MYOM1: variants seen among roughly 807,000 people sequenced by gnomAD.
MYOM1 encodes the protein myomesin 1, also known as myomesin-1.
MYOM1 carries 164 observed loss-of-function variants against 205.3 expected under a neutral mutation model. The ratio of observed to expected loss-of-function variants is 0.80; its 90% CI spans 0.70 to 0.91. The LOEUF is 0.91. Among genes scored for constraint, MYOM1 ranks in the 40% least tolerant of loss-of-function variants. The pLI is 0.00. For missense variants in MYOM1, 2,011 were observed against 2,127.3 expected (o/e 0.95, Z 1.08); for synonymous variants, 772 against 789.4 (o/e 0.98, Z 0.37).
intron 10 of MYOM1, among the ~76,000 whole-genome samples, chr18:3,160,102 C>CCTT (rs148197003): frequency 0.51 from 74,962 of 146,384 alleles, 20,084 homozygotes; most frequent in African/African-American, 0.66. Flanking sequence ...TTCTCCTCCT[C>CCTT]CTTCTTCTTC....
intron 7 of MYOM1, 35 bp downstream of exon 7, chr18:3,174,085 A>G (rs747891244): frequency 2.8e-5 from 45 of 1,608,806 alleles, no homozygotes; most frequent in Non-Finnish European, 2.4e-5. Flanking sequence ...AAAAACACAC[A>G]CACACTTTGA....
At chr18:3,192,367 G>A (rs569427488) in intron 3 of MYOM1, among the ~76,000 whole-genome samples, 2 of 152,236 alleles carry the variant, frequency 1.3e-5, no homozygotes, top group Non-Finnish European at 2.9e-5. Flanking sequence ...AGATAGCAAA[G>A]ATATCAAATA....
intron 36 of MYOM1, among the ~76,000 whole-genome samples, chr18:3,073,237 G>A (rs1567890230): frequency 6.6e-6 from 1 of 152,152 alleles, no homozygotes; most frequent in Non-Finnish European, 1.5e-5. Context: ...AGGGGACGAG[G>A]CACAGGATGG....
chr18:3,216,419 G>C (rs559949583), intron 1 of MYOM1, among the ~76,000 whole-genome samples: 11 of 152,288 alleles, frequency 7.2e-5, no homozygotes, highest in Admixed American at 5.9e-4. Context: ...AATGTGCCAA[G>C]AACCAGAGAA....
At chr18:3,169,242 C>A (rs2144070187) in intron 8 of MYOM1, among the ~76,000 whole-genome samples, 1 of 152,180 alleles carries the variant, frequency 6.6e-6, no homozygotes, top group Non-Finnish European at 1.5e-5. Flanking sequence ...TTTAAAGGGT[C>A]AGGTTTAATG....
intron 19 of MYOM1, among the ~76,000 whole-genome samples, chr18:3,122,373 A>T (rs2079708249): frequency 6.6e-6 from 1 of 152,186 alleles, no homozygotes; most frequent in Non-Finnish European, 1.5e-5. Context: ...ACCCTAGTGT[A>T]TCTATGGTAA....
intron 1 of MYOM1, among the ~76,000 whole-genome samples, chr18:3,216,808 G>A (rs1312238791): frequency 6.6e-6 from 1 of 152,190 alleles, no homozygotes; most frequent in Non-Finnish European, 1.5e-5. Context: ...GGAGGGATGA[G>A]AGTGAAAGCC....
Position 3,189,262 on chromosome 18 carries a change from C to T in MYOM1, c.432-175G>A, listed in dbSNP as rs568980598. On this transcript the variant is annotated intron_variant, in intron 3 of 37. Transcript: ENST00000356443. This position sits in a 1 kb window ranked among gnomAD's most constrained non-coding sequence, Gnocchi z 4.8. The stretch of plus-strand genomic sequence containing the variant: ...ACACTTCATGTACAGAAGTATTCCT[C>T]ACCTTAACAAATAACAACAATAATA... Among the ~76,000 whole-genome samples the T allele has an allele frequency of 7.2e-5, 11 of 152,240 alleles. No homozygotes were observed. The highest frequency in any genetic ancestry group is 5.2e-4 in the Admixed American group (8 of 15,290).
At chr18:3,083,927 T>A in intron 32 of MYOM1, 33 bp from the exon 33 acceptor site, 1 of 1,575,930 alleles carries the variant, frequency 6.3e-7, no homozygotes, top group Non-Finnish European at 8.6e-7. Flanking sequence ...TTCATACATC[T>A]GCATGCCCCT....
At chr18:3,161,762 TC>T (rs763020345) in intron 10 of MYOM1, among the ~76,000 whole-genome samples, 25 of 152,246 alleles carry the variant, frequency 1.6e-4, no homozygotes, top group Non-Finnish European at 2.1e-4. Flanking sequence ...ATAAGCTAGT[TC>T]CACTTCTGCT....
intron 1 of MYOM1, 128 bp from the exon 2 acceptor site, chr18:3,215,379 G>T: frequency 1.3e-6 from 1 of 767,984 alleles, no homozygotes; most frequent in Non-Finnish European, 2.0e-6. Flanking sequence ...AAATCCCAAC[G>T]AGGATCTCTC....
chr18:3,083,095 G>A (rs1032957114), intron 33 of MYOM1, among the ~76,000 whole-genome samples: 1 of 152,260 alleles, frequency 6.6e-6, no homozygotes, highest in Non-Finnish European at 1.5e-5. Flanking sequence ...GGCTCCAGAT[G>A]CCTGGCACAG....
the MYOM1 span, among the ~76,000 whole-genome samples, chr18:3,238,476 T>TG: frequency 2.2e-4 from 33 of 147,874 alleles, no homozygotes; most frequent in African/African-American, 7.7e-4. Flanking sequence ...ACTAAATTGG[T>TG]GGGGGGGTGG....
intron 22 of MYOM1, among the ~76,000 whole-genome samples, chr18:3,105,209 A>G (rs1015318036): frequency 3.3e-5 from 5 of 152,220 alleles, no homozygotes; most frequent in Non-Finnish European, 7.3e-5. Context: ...AAAACTAAAA[A>G]GCAGGCACAA....
the MYOM1 span, among the ~76,000 whole-genome samples, chr18:3,233,437 C>T: frequency 6.6e-6 from 1 of 152,308 alleles, no homozygotes; most frequent in Admixed American, 6.5e-5. Context: ...GGAAGCATGT[C>T]CCCTTACCCG....
intron 19 of MYOM1, 33 bp downstream of exon 19, chr18:3,126,668 G>A: frequency 6.3e-7 from 1 of 1,585,894 alleles, no homozygotes; most frequent in Non-Finnish European, 8.6e-7. Context: ...TCATACATAG[G>A]ACACGCCACA....
intron 10 of MYOM1, among the ~76,000 whole-genome samples, chr18:3,161,618 G>A (rs926857429): frequency 1.3e-5 from 2 of 152,180 alleles, no homozygotes; most frequent in Admixed American, 6.5e-5. Context: ...TAACAACATA[G>A]AGGGGACCTA....
upstream of MYOM1, among the ~76,000 whole-genome samples, chr18:3,223,976 C>G (rs73377292): frequency 0.014 from 2,145 of 151,740 alleles, 47 homozygotes; most frequent in African/African-American, 0.05. Flanking sequence ...CAAATTTCAT[C>G]TAGTTATTAA....
intron 13 of MYOM1, among the ~76,000 whole-genome samples, chr18:3,144,460 T>C (rs898467132): frequency 6.6e-6 from 1 of 152,274 alleles, no homozygotes; most frequent in East Asian, 1.9e-4. Context: ...AGCAAGATGA[T>C]TGATTTAAAT....
Sources: allele counts gnomAD v4.1 joint callset (sites outside exome capture counted in the v4.1 genomes callset), GRCh38; gene constraint gnomAD v4.1.1; non-coding constraint Gnocchi (gnomAD v3.1); transcripts MANE v1.5; gene names NCBI Gene and HGNC (gene_info 2026-07-23, HGNC 2026-07-21).